Variants in NEK10 observed in about 807,000 individuals in gnomAD.
NEK10 encodes the protein serine/threonine-protein kinase Nek10.
NEK10 carries 122 observed loss-of-function variants against 159.8 expected under a neutral mutation model. The observed-to-expected ratio is 0.76, with a 90% confidence interval of 0.66 to 0.89. NEK10 has a LOEUF of 0.89. NEK10 is among the 40% of genes least tolerant of loss of function. The pLI is 0.00. For missense variants in NEK10, 1,342 were observed against 1,323.1 expected (o/e 1.01, Z -0.22); for synonymous variants, 466 against 457.1 (o/e 1.02, Z -0.25).
At chr3:27,216,396 G>T (rs1013691612) in intron 23 of NEK10, 5 of 152,362 alleles carry the variant, frequency 3.3e-5, no homozygotes, top group African/African-American at 4.8e-5. Context: ...ATCAGGTGTG[G>T]CAAATTCTTT....
rs1949967801 is a variant in NEK10, at chr3:27,200,675, A to G, written c.2291+835T>C. The stretch of plus-strand genomic sequence containing the variant: ...CGATAAACAAAACTCATGTATGCAC[A>G]TGTATAATATGTCAGGGATGATGAG... On this transcript the variant is annotated intron_variant, in intron 25 of 35. Coordinates refer to ENST00000691995, the MANE Select transcript of NEK10 (RefSeq NM_001394966.1). Among the ~76,000 whole-genome samples, 3 of 152,216 alleles carry G rather than the reference A, an allele frequency of 2.0e-5. No individual in the cohort carries two copies. In the South Asian group the frequency reaches 6.2e-4, roughly 32 times the overall value.
chr3:27,352,505 C>T lies in NEK10; in HGVS notation c.92G>A (p.Arg31Lys). The change falls in exon 3 of 36, where the codon AGA becomes AAA. Residue 31 changes from arginine to lysine, a missense_variant. Physicochemically the swap from Arg to Lys is conservative, Grantham distance 26 (BLOSUM62 2). Coordinates refer to ENST00000691995, the MANE Select transcript of NEK10 (RefSeq NM_001394966.1). ...ITIRDYSDLK[R>K]LRCLLNVQSS... ...TTGGACGTTCAAAAGGCACCGAAGT[C>T]TTTTAAGATCTGAATAGTCCCTAGG... is the stretch of plus-strand genomic sequence containing the variant. The T allele has an allele frequency of 6.2e-7, 1 of 1,610,672 alleles. No individual in the cohort carries two copies. The highest frequency in any genetic ancestry group is 2.2e-5 in the East Asian group (1 of 44,856).
chr3:27,167,661 C>T (rs1269796327), intron 29 of NEK10, among the ~76,000 whole-genome samples: 1 of 152,104 alleles, frequency 6.6e-6, no homozygotes, highest in Non-Finnish European at 1.5e-5. Context: ...TTAATGCCTT[C>T]CTAGCAAATA....
chr3:27,273,107 G>T lies in NEK10; in HGVS notation c.2014+11495C>A, dbSNP rs187710402. On this transcript the variant is annotated intron_variant, in intron 22 of 35. Coordinates refer to ENST00000691995, the MANE Select transcript of NEK10 (RefSeq NM_001394966.1). ...GAAGAGACTTCCAGGCAGAGGAAAT[G>T]GCATGCTCAAAGGCCCTATGGTCAA... 2.4e-4 allele frequency among the ~76,000 whole-genome samples: 36 copies of T among 152,262 alleles called. No homozygotes were observed. The East Asian group carries it at 4.1e-3, about 17-fold the overall frequency.
intron 11 of NEK10, among the ~76,000 whole-genome samples, chr3:27,307,619 A>G (rs2044342077): frequency 6.6e-6 from 1 of 152,192 alleles, no homozygotes; most frequent in African/African-American, 2.4e-5. Flanking sequence ...TAAAAATGAT[A>G]TCACAAAAAT....
chr3:27,265,441 T>C (rs1207772465), intron 22 of NEK10: 3 of 152,240 alleles, frequency 2.0e-5, no homozygotes, highest in Non-Finnish European at 4.4e-5. Context: ...CAGCATTTAA[T>C]GTTGTCAGTT....
intron 25 of NEK10, among the ~76,000 whole-genome samples, chr3:27,192,755 T>C (rs534333285): frequency 9.2e-5 from 14 of 152,332 alleles, no homozygotes; most frequent in African/African-American, 2.6e-4. Flanking sequence ...TAAACTAGTT[T>C]TATAAATTAT....
intron 5 of NEK10, among the ~76,000 whole-genome samples, chr3:27,340,353 A>G (rs1046435941): frequency 2.6e-5 from 4 of 152,028 alleles, no homozygotes; most frequent in African/African-American, 7.2e-5. Flanking sequence ...ACTGGGGCCT[A>G]TTGGGTGGTG....
chr3:27,118,262 C>A (rs1046396706), intron 33 of NEK10, among the ~76,000 whole-genome samples: 1 of 152,188 alleles, frequency 6.6e-6, no homozygotes, highest in Non-Finnish European at 1.5e-5. Flanking sequence ...ATGCCTCCAG[C>A]TTTGTCCTTT....
intron 16 of NEK10, 51 bp from the exon 17 acceptor site, chr3:27,291,637 A>G (rs1031998880): frequency 9.7e-7 from 1 of 1,025,824 alleles, no homozygotes; most frequent in Non-Finnish European, 1.5e-6. Context: ...ACAGTTGATC[A>G]TTACTTCCCT....
At chr3:27,236,782 T>C (rs1232022817) in intron 23 of NEK10, among the ~76,000 whole-genome samples, 1 of 152,080 alleles carries the variant, frequency 6.6e-6, no homozygotes, top group Non-Finnish European at 1.5e-5. Flanking sequence ...AGGGCAAAAT[T>C]AGAGTTACTG....
chr3:27,312,844 AAAAAT>A (rs1277262316), intron 7 of NEK10, among the ~76,000 whole-genome samples: 3 of 152,216 alleles, frequency 2.0e-5, no homozygotes, highest in Non-Finnish European at 4.4e-5. Context: ...CTTGAAAACA[AAAAAT>A]AAACATGAAT....
intron 23 of NEK10, among the ~76,000 whole-genome samples, chr3:27,204,708 A>G (rs1950373791): frequency 7.4e-6 from 1 of 135,258 alleles, no homozygotes. Flanking sequence ...CCAGTCTATC[A>G]TTGTTGGACA....
At chr3:27,289,120 G>A (rs2042819439) in intron 19 of NEK10, among the ~76,000 whole-genome samples, 1 of 152,128 alleles carries the variant, frequency 6.6e-6, no homozygotes, top group Non-Finnish European at 1.5e-5. Flanking sequence ...CACAGATGAA[G>A]ACAGTGCACT....
At chr3:27,122,070 A>C (rs1217158700) in intron 32 of NEK10, among the ~76,000 whole-genome samples, 1 of 152,144 alleles carries the variant, frequency 6.6e-6, no homozygotes, top group African/African-American at 2.4e-5. Flanking sequence ...CTACCCTCTA[A>C]GGAAAAAAAT....
At chr3:27,196,278 C>A (rs1949550021) in intron 25 of NEK10, among the ~76,000 whole-genome samples, 1 of 152,182 alleles carries the variant, frequency 6.6e-6, no homozygotes, top group Non-Finnish European at 1.5e-5. Flanking sequence ...TCCTTTCACA[C>A]AGACCCCCTT....
intron 23 of NEK10, among the ~76,000 whole-genome samples, chr3:27,235,116 A>G (rs1301547927): frequency 6.6e-6 from 1 of 152,168 alleles, no homozygotes; most frequent in East Asian, 1.9e-4. Flanking sequence ...AAATCAACTC[A>G]AGATGGATTA....
intron 30 of NEK10, among the ~76,000 whole-genome samples, chr3:27,149,367 T>A (rs73036918): frequency 0.18 from 26,897 of 152,138 alleles, 2,406 homozygotes; most frequent in Non-Finnish European, 0.19. Context: ...TTGCTTTTTT[T>A]AAATTTTTTT....
At chr3:27,281,708 C>T (rs1251816678) in intron 22 of NEK10, among the ~76,000 whole-genome samples, 3 of 152,038 alleles carry the variant, frequency 2.0e-5, no homozygotes, top group African/African-American at 7.2e-5. Context: ...AAGAAAAAGA[C>T]ACAGAACATA....
Sources: gnomAD v4.1 joint callset for allele counts (sites outside exome capture counted in the v4.1 genomes callset) on GRCh38, gnomAD v4.1.1 for gene constraint, MANE v1.5 for transcripts, NCBI Gene and HGNC (gene_info 2026-07-23, HGNC 2026-07-21) for gene names.